CLEC7A: variants seen among roughly 807,000 people sequenced by gnomAD.
CLEC7A encodes the protein C-type lectin domain family 7 member A.
A neutral mutation model predicts 26.9 loss-of-function variants in CLEC7A; 25 were observed. The ratio of observed to expected loss-of-function variants is 0.93; its 90% CI spans 0.68 to 1.30. The LOEUF is 1.30. Among genes scored for constraint, CLEC7A ranks in the 50% most tolerant of loss-of-function variants. CLEC7A has a pLI of 0.00. For missense variants in CLEC7A, 275 were observed against 286.7 expected, an observed-to-expected ratio of 0.96 and a Z score of 0.29; for synonymous variants, 100 against 99.5, an observed-to-expected ratio of 1.01 and a Z score of -0.03.
intron 4 of CLEC7A, 41 bp downstream of exon 4, chr12:10,125,256 G>T: frequency 6.4e-7 from 1 of 1,569,272 alleles, no homozygotes; most frequent in Non-Finnish European, 8.7e-7. Flanking sequence ...CTTCCTTCAG[G>T]ATACACACCA....
chr12:10,127,760 G>C lies in CLEC7A; in HGVS notation c.189C>G (p.Val63=), dbSNP rs1396267988. The part of the protein sequence containing the change: ...LCLVILVIAV[V]LGTMAIWRSN... ...CCAAATACTCACCCATGGTACCCAG[G>C]ACCACAGCTATCACCAGTATTACCA... The change falls in exon 2 of 6, where the codon GTC becomes GTG. Residue 63 remains valine (V), a synonymous_variant. Coordinates refer to ENST00000304084, the MANE Select transcript of CLEC7A (RefSeq NM_197947.3). 3 of 1,588,038 alleles carry C rather than the reference G, an allele frequency of 1.9e-6. No individual in the cohort carries two copies. The highest frequency in any genetic ancestry group is 2.6e-6 in the Non-Finnish European group (3 of 1,165,186).
rs1591935140 is a variant in CLEC7A at position 10,116,785 on chromosome 12, TAA to T, written c.*1671_*1672del. 6.6e-6 allele frequency: 1 copy of T among 151,974 alleles called. No homozygotes were observed. The highest frequency in any genetic ancestry group is 2.4e-5 in the African/African-American group (1 of 41,238). 9.4% of individuals were successfully genotyped at this position (151,974 alleles called of 1,614,324 possible). ...AATTTAGAGGCCATGGGTTTTTTGA[TAA>T]GAGTTTTTTTTTATTGAAATGAAAT... On this transcript the variant is annotated 3_prime_UTR_variant, in exon 6 of 6. Coordinates refer to ENST00000304084, the MANE Select transcript of CLEC7A (RefSeq NM_197947.3).
intron 4 of CLEC7A, 127 bp downstream of exon 4, chr12:10,125,170 G>C: frequency 1.1e-6 from 1 of 885,600 alleles, no homozygotes; most frequent in Non-Finnish European, 1.7e-6. Flanking sequence ...AACAGAGTGA[G>C]ACTCTGCCTC....
intron 5 of CLEC7A, among the ~76,000 whole-genome samples, chr12:10,122,154 T>A (rs1565620776): frequency 6.6e-6 from 1 of 152,020 alleles, no homozygotes; most frequent in Non-Finnish European, 1.5e-5. Context: ...ACGGTACTCC[T>A]ACTGAGACAG....
chr12:10,128,207 AACACACACACACACACACACACACACAC>A (rs71860807), intron 1 of CLEC7A, among the ~76,000 whole-genome samples: 1 of 132,788 alleles, frequency 7.5e-6, no homozygotes, highest in Admixed American at 7.4e-5. Context: ...ACCCTGTTAA[AACACACACACACACACACACACACACAC>A]ACACACACAC....
chr12:10,129,595 C>T (rs1433539205), intron 1 of CLEC7A, among the ~76,000 whole-genome samples: 1 of 151,950 alleles, frequency 6.6e-6, no homozygotes, highest in African/African-American at 2.4e-5. Flanking sequence ...ATTTTCTCCC[C>T]TTATATCTTT....
At position 10,124,981 on chromosome 12, in the gene CLEC7A, G is replaced by T. The variant is rs1948224683; in HGVS notation, c.492+316C>A. On this transcript the variant is annotated intron_variant, in intron 4 of 5. Transcript: ENST00000304084. ...GGAGATCGAGGTAGGCAGATCGCTT[G>T]TGCCCAGGATTTTGAGACCAGCCCA... 2.8e-5 allele frequency: 8 copies of T among 289,892 alleles called. No homozygotes were observed. In the South Asian group the frequency reaches 3.0e-4, roughly 11 times the overall value. 18.0% of individuals were successfully genotyped at this position (289,892 alleles called of 1,614,324 possible).
intron 1 of CLEC7A, among the ~76,000 whole-genome samples, chr12:10,128,111 T>C (rs1948360762): frequency 6.7e-6 from 1 of 150,096 alleles, no homozygotes; most frequent in Admixed American, 6.7e-5. Context: ...TGTGGTGAGC[T>C]CCCGTAGTCC....
chr12:10,126,764 G>T, intron 2 of CLEC7A, 56 bp from the exon 3 acceptor site: 1 of 1,451,034 alleles, frequency 6.9e-7, no homozygotes, highest in Non-Finnish European at 9.4e-7. Flanking sequence ...TGCTGTGTTT[G>T]AAAATTAAAA....
chr12:10,124,942 T>A (rs1948223322), intron 4 of CLEC7A: 1 of 223,578 alleles, frequency 4.5e-6, no homozygotes, highest in Admixed American at 5.3e-5. Flanking sequence ...CTTACACCTG[T>A]AATCCCAACA....
intron 5 of CLEC7A, 97 bp from the exon 6 acceptor site, chr12:10,118,687 A>C: frequency 9.6e-7 from 1 of 1,036,426 alleles, no homozygotes; most frequent in East Asian, 2.6e-5. Flanking sequence ...TGGTGAAAAG[A>C]GTTCTGAAGT....
In CLEC7A at chr12:10,118,386, TA is replaced by T; in HGVS notation, c.*71del. ...CTGCATTTATCTTGACCTCAGCTGTTACTCTTTTCTGTTCTGTTTTCTGTCC... is the reference window on the plus strand; with the variant it reads ...CTGCATTTATCTTGACCTCAGCTGTTCTCTTTTCTGTTCTGTTTTCTGTCC... On this transcript the variant is annotated 3_prime_UTR_variant, in exon 6 of 6. Coordinates refer to ENST00000304084, the MANE Select transcript of CLEC7A (RefSeq NM_197947.3). 4 of 1,402,516 alleles carry T rather than the reference TA, an allele frequency of 2.9e-6. No individual in the cohort carries two copies. The highest frequency in any genetic ancestry group is 1.2e-5 in the South Asian group (1 of 82,950). 86.9% of individuals were successfully genotyped at this position (1,402,516 alleles called of 1,614,324 possible).
chr12:10,125,274 T>A (rs1948240262), intron 4 of CLEC7A, 23 bp downstream of exon 4: 2 of 1,594,086 alleles, frequency 1.3e-6, no homozygotes, highest in African/African-American at 2.7e-5. Flanking sequence ...CCACAGATAA[T>A]CATAACAGAA....
At chr12:10,125,856 A>C (rs1948264674) in intron 3 of CLEC7A, among the ~76,000 whole-genome samples, 1 of 152,180 alleles carries the variant, frequency 6.6e-6, no homozygotes, top group Non-Finnish European at 1.5e-5. Context: ...GTGACTTTCC[A>C]AGTGAGAAAA....
chr12:10,127,401 C>A (rs766764319), intron 2 of CLEC7A: 2 of 1,612,654 alleles, frequency 1.2e-6, no homozygotes, highest in South Asian at 1.1e-5. Flanking sequence ...CGCTTGTTTT[C>A]TTCATTAATT....
chr12:10,118,336 G>T lies in CLEC7A; in HGVS notation c.*122C>A. The T allele has an allele frequency of 1.1e-6, 1 of 910,642 alleles. No individual in the cohort carries two copies. 56.4% of individuals were successfully genotyped at this position (910,642 alleles called of 1,614,324 possible). On this transcript the variant is annotated 3_prime_UTR_variant, in exon 6 of 6. Coordinates refer to ENST00000304084, the MANE Select transcript of CLEC7A (RefSeq NM_197947.3). ...CTTCAATTTCTTGGTTAAGATTACA[G>T]TTGGCCAAGCTCTCTAAACATTTTC...
upstream of CLEC7A, chr12:10,130,288 T>A (rs1264313560): frequency 4.8e-6 from 2 of 418,868 alleles, no homozygotes; most frequent in African/African-American, 2.0e-5. Flanking sequence ...TTTCCATTTG[T>A]ACCTTTAGAT....
intron 2 of CLEC7A, chr12:10,127,521 T>G (rs754677403): frequency 2.2e-6 from 3 of 1,355,686 alleles, no homozygotes; most frequent in Non-Finnish European, 3.2e-6. Flanking sequence ...CTAATCATGG[T>G]CCCACCACTA....
At chr12:10,123,730 C>A (rs1035327197) in intron 4 of CLEC7A, among the ~76,000 whole-genome samples, 2 of 133,224 alleles carry the variant, frequency 1.5e-5, no homozygotes. Context: ...CACTGCAGTC[C>A]GCAGTCCGGC....
Sources: gnomAD v4.1 joint callset for allele counts (sites outside exome capture counted in the v4.1 genomes callset) on GRCh38, gnomAD v4.1.1 for gene constraint, MANE v1.5 for transcripts, NCBI Gene and HGNC (gene_info 2026-07-23, HGNC 2026-07-21) for gene names.